The following PRKG1 variants were observed in gnomAD, a reference collection of about 807,000 sequenced individuals.
PRKG1 encodes the protein cGMP-dependent protein kinase 1.
A neutral mutation model predicts 88.1 loss-of-function variants in PRKG1; 35 were observed. The ratio of observed to expected loss-of-function variants is 0.40; its 90% CI spans 0.30 to 0.53. The LOEUF (loss-of-function observed/expected upper bound fraction) is 0.53, where lower values mean the gene tolerates loss of function less well. Ranked by LOEUF, PRKG1 falls within the 20% of genes least tolerant of loss-of-function variation. The pLI, the probability that PRKG1 is intolerant of heterozygous loss-of-function variation, is 0.59. For synonymous variants in PRKG1, 303 were observed against 292.5 expected (o/e 1.04, Z -0.37); for missense variants, 540 against 839.8 (o/e 0.64, Z 4.41).
intron 2 of PRKG1, among the ~76,000 whole-genome samples, chr10:51,287,499 G>A (rs1840472489): frequency 6.6e-6 from 1 of 152,172 alleles, no homozygotes; most frequent in Non-Finnish European, 1.5e-5. Flanking sequence ...TTCAGATGAA[G>A]GTCCTGTTCA....
At chr10:51,104,981 C>G (rs375559021) in intron 1 of PRKG1, among the ~76,000 whole-genome samples, 110 of 152,176 alleles carry the variant, frequency 7.2e-4, no homozygotes, top group African/African-American at 2.5e-3. Context: ...TCACCCACCC[C>G]AGCTTCCCAA....
chr10:51,209,432 G>T (rs74641847), intron 2 of PRKG1, among the ~76,000 whole-genome samples: 1,864 of 152,054 alleles, frequency 0.012, 30 homozygotes, highest in African/African-American at 0.041. Flanking sequence ...GTTTCCACCT[G>T]GTAAAAGTAA....
chr10:51,937,645 CTT>C (rs1000651099), intron 5 of PRKG1, among the ~76,000 whole-genome samples: 1 of 151,904 alleles, frequency 6.6e-6, no homozygotes, highest in Non-Finnish European at 1.5e-5. Context: ...AGAAATAATA[CTT>C]TGTTTTCCTT....
intron 2 of PRKG1, among the ~76,000 whole-genome samples, chr10:51,442,653 A>G (rs148954506): frequency 1.3e-3 from 201 of 152,158 alleles, no homozygotes; most frequent in African/African-American, 4.7e-3. Context: ...AGGCTAATCT[A>G]TGAATTTTAG....
intron 8 of PRKG1, among the ~76,000 whole-genome samples, chr10:52,150,149 A>AAATAATAATAAT (rs67354776): frequency 0.07 from 5,735 of 82,266 alleles, 227 homozygotes; most frequent in African/African-American, 0.11. Context: ...CTCCATCTCA[A>AAATAATAATAAT]AATAATAATA....
At chr10:52,185,157 A>G (rs937948740) in intron 9 of PRKG1, 2 of 152,222 alleles carry the variant, frequency 1.3e-5, no homozygotes, top group Non-Finnish European at 2.9e-5. Flanking sequence ...TCTTCCACCT[A>G]TCAGACTGTA....
chr10:52,251,467 A>G (rs1033936819), intron 9 of PRKG1, 103 bp from the exon 10 acceptor site: 3 of 836,910 alleles, frequency 3.6e-6, no homozygotes, highest in Non-Finnish European at 3.9e-6. Flanking sequence ...GAATGTAAGC[A>G]GGTAAACCCT....
chr10:52,099,435 C>T (rs1039632888), intron 7 of PRKG1, among the ~76,000 whole-genome samples: 1 of 152,130 alleles, frequency 6.6e-6, no homozygotes, highest in African/African-American at 2.4e-5. Flanking sequence ...AGAAAGACCA[C>T]TTTGTCTTAG....
intron 5 of PRKG1, among the ~76,000 whole-genome samples, chr10:51,918,740 T>C (rs957696695): frequency 1.3e-5 from 2 of 152,214 alleles, no homozygotes; most frequent in Admixed American, 6.5e-5. Flanking sequence ...AAATGCCATT[T>C]GATAGCATCT....
intron 2 of PRKG1, among the ~76,000 whole-genome samples, chr10:51,267,284 T>C (rs1839860308): frequency 1.3e-5 from 2 of 152,172 alleles, no homozygotes; most frequent in Admixed American, 6.5e-5. Flanking sequence ...TGCCTCCCTA[T>C]AGTATATATG....
chr10:51,467,622 A>G lies in PRKG1; in HGVS notation c.479-101A>G, dbSNP rs1264466404. ...TGACTTTGTTTTAATTGGTAACTGC[A>G]TTTTTACAAATGAGCCTAACACTCC... On this transcript the variant is annotated intron_variant, in intron 2 of 17. Transcript: ENST00000373980. The G allele has an allele frequency of 5.6e-6, 5 of 885,584 alleles. No homozygotes were observed. The African/African-American group carries it at 8.5e-5, about 15-fold the overall frequency. The allele number at this position is 885,584 out of a possible 1,614,324, so 54.9% of individuals were successfully genotyped here.
chr10:52,214,641 C>A (rs1160014257), intron 9 of PRKG1, among the ~76,000 whole-genome samples: 4 of 152,108 alleles, frequency 2.6e-5, no homozygotes, highest in African/African-American at 7.2e-5. Flanking sequence ...TTTAAGGATT[C>A]TTTAATAGCC....
intron 3 of PRKG1, among the ~76,000 whole-genome samples, chr10:51,578,990 T>TC (rs1837960941): frequency 7.3e-6 from 1 of 137,810 alleles, no homozygotes; most frequent in African/African-American, 2.7e-5. Flanking sequence ...GTTTTTTTTT[T>TC]TTTTTTTTTT....
intron 3 of PRKG1, among the ~76,000 whole-genome samples, chr10:51,646,188 T>C (rs999791636): frequency 6.6e-6 from 1 of 152,194 alleles, no homozygotes; most frequent in Non-Finnish European, 1.5e-5. Context: ...ACATGGGCTG[T>C]GGAGCAAGTC....
chr10:51,987,186 T>C (rs1844181701), intron 5 of PRKG1, among the ~76,000 whole-genome samples: 1 of 152,072 alleles, frequency 6.6e-6, no homozygotes, highest in Admixed American at 6.6e-5. Flanking sequence ...TTAGTAAATA[T>C]GTAAGTGGTT....
At chr10:51,157,697 T>C (rs1846248281) in intron 2 of PRKG1, among the ~76,000 whole-genome samples, 1 of 151,964 alleles carries the variant, frequency 6.6e-6, no homozygotes, top group African/African-American at 2.4e-5. Context: ...TGATGTTTCA[T>C]GGTGGAAGCA....
chr10:51,898,984 A>C (rs1477377737), intron 4 of PRKG1, among the ~76,000 whole-genome samples: 1 of 152,212 alleles, frequency 6.6e-6, no homozygotes, highest in African/African-American at 2.4e-5. Flanking sequence ...GAAAAAACAT[A>C]AGACTAATAC....
intron 3 of PRKG1, among the ~76,000 whole-genome samples, chr10:51,729,241 C>G (rs549074279): frequency 6.6e-6 from 1 of 152,316 alleles, no homozygotes; most frequent in East Asian, 1.9e-4. Context: ...CATACTCATT[C>G]TAGTTCATGC....
At chr10:52,071,744 T>C in intron 7 of PRKG1, among the ~76,000 whole-genome samples, 1 of 152,082 alleles carries the variant, frequency 6.6e-6, no homozygotes. Flanking sequence ...GACTGAGGGA[T>C]TGATTTTCTT....
Sources: allele counts gnomAD v4.1 joint callset (sites outside exome capture counted in the v4.1 genomes callset), GRCh38; gene constraint gnomAD v4.1.1; transcripts MANE v1.5; gene names NCBI Gene and HGNC (gene_info 2026-07-23, HGNC 2026-07-21).